Variants in GTF3A observed in about 807,000 individuals in gnomAD.
The protein encoded by GTF3A is general transcription factor IIIA.
GTF3A carries 40 observed loss-of-function variants against 37.6 expected under a neutral mutation model. The ratio of observed to expected loss-of-function variants is 1.06; its 90% CI spans 0.83 to 1.38. The LOEUF is 1.38. Among genes scored for constraint, GTF3A ranks in the 40% most tolerant of loss-of-function variants. GTF3A has a pLI of 0.00. For synonymous variants in GTF3A, 191 were observed against 166.7 expected, an observed-to-expected ratio of 1.15 and a Z score of -1.12; for missense variants, 500 against 462.6, an observed-to-expected ratio of 1.08 and a Z score of -0.74.
rs1953642736 is a variant in GTF3A, at chr13:27,429,948, T to C, written c.381T>C (p.Asn127=). The change falls in exon 3 of 9, where the codon AAT becomes AAC. Residue 127 remains asparagine (N), a synonymous_variant. Transcript: ENST00000381140. ...AACATTTTGAACGCAAACATGAAAA[T>C]CAACAAAAACAATATATAGTAAGTA... 1 of 1,521,402 alleles carries C rather than the reference T, an allele frequency of 6.6e-7. No homozygotes were observed. 94.2% of individuals were successfully genotyped at this position (1,521,402 alleles called of 1,614,324 possible). A position where few individuals can be genotyped will look rare whatever the true frequency, so the allele number is the denominator to read the frequency against.
At position 27,434,122 on chromosome 13, in the gene GTF3A, A is replaced by T; in HGVS notation, c.563-17A>T. 1.0e-6 allele frequency: 1 copy of T among 975,752 alleles called. No individual in the cohort carries two copies. The highest frequency in any genetic ancestry group is 1.3e-5 in the South Asian group (1 of 78,414). 60.4% of individuals were successfully genotyped at this position (975,752 alleles called of 1,614,324 possible). A position where few individuals can be genotyped will look rare whatever the true frequency, so the allele number is the denominator to read the frequency against. On this transcript the variant is annotated splice_polypyrimidine_tract_variant and intron_variant, in intron 5 of 8. Coordinates refer to ENST00000381140, the MANE Select transcript of GTF3A (RefSeq NM_002097.3). ...ACTGAGTATTCATGACAGACAATGCACCAATTTTTTTAATAGGCTATGTAT... is the reference window on the plus strand; with the variant it reads ...ACTGAGTATTCATGACAGACAATGCTCCAATTTTTTTAATAGGCTATGTAT...
intron 1 of GTF3A, chr13:27,425,574 G>C (rs4771120): frequency 0.32 from 48,484 of 152,372 alleles, 7,833 homozygotes; most frequent in African/African-American, 0.34. Flanking sequence ...GCAGGTGGGT[G>C]TGTTTGGGTG....
intron 2 of GTF3A, among the ~76,000 whole-genome samples, 198 bp downstream of exon 2, chr13:27,427,390 C>T (rs189286308): frequency 6.6e-6 from 1 of 152,114 alleles, no homozygotes; most frequent in Admixed American, 6.5e-5. Context: ...CAAACCTGGG[C>T]AACATGGTGA....
chr13:27,429,915 C>A lies in GTF3A; in HGVS notation c.348C>A (p.Asn116Lys). The change falls in exon 3 of 9, where the codon AAC becomes AAA. Residue 116 changes from asparagine (N) to lysine (K), a missense_variant. Asn to Lys is a moderately conservative substitution (Grantham distance 94). Transcript: ENST00000381140. ...ATCAAAAATTCAACACAAAATCAAA[C>A]TTGAAGAAACATTTTGAACGCAAAC... 1 of 1,538,184 alleles carries A rather than the reference C, an allele frequency of 6.5e-7. No individual in the cohort carries two copies. The highest frequency in any genetic ancestry group is 1.2e-5 in the South Asian group (1 of 80,928).
In GTF3A at chr13:27,435,043, T is replaced by C. The variant is rs746995196; in HGVS notation, c.873+9T>C. The C allele has an allele frequency of 6.4e-7, 1 of 1,552,758 alleles. No homozygotes were observed. Among genetic ancestry groups the C allele is most frequent in the Non-Finnish European group, 8.9e-7 (1 of 1,124,070 alleles). Reference sequence around the variant, plus strand: ...AAACATTTGCAATGAAAGTAAGCACTCACCCTCATACTCATGGTCCTATAG... The same window carrying C: ...AAACATTTGCAATGAAAGTAAGCACCCACCCTCATACTCATGGTCCTATAG... On this transcript the variant is annotated intron_variant, in intron 7 of 8. Transcript: ENST00000381140.
At chr13:27,432,891 T>G in intron 5 of GTF3A, 87 bp downstream of exon 5, 1 of 1,114,954 alleles carries the variant, frequency 9.0e-7, no homozygotes, top group Non-Finnish European at 1.3e-6. Context: ...GCTGAAAAGA[T>G]GGGAACCCTG....
chr13:27,424,818 A>G lies in GTF3A; in HGVS notation c.81A>G (p.Ser27=), dbSNP rs1283423121. 2.7e-5 allele frequency: 42 copies of G among 1,549,740 alleles called. No homozygotes were observed. The highest frequency in any genetic ancestry group is 3.6e-5 in the Non-Finnish European group (41 of 1,146,514). ...CGTTCATTGCAGCCGGCGAGAGCTC[A>G]GCTCCGACCCCGCCGCGCCCCGCGC... The change falls in exon 1 of 9, where the codon TCA becomes TCG. Residue 27 remains serine, a synonymous_variant. Coordinates refer to ENST00000381140, the MANE Select transcript of GTF3A (RefSeq NM_002097.3).
chr13:27,424,652 G>C lies in GTF3A; in HGVS notation c.-86G>C, dbSNP rs1343708816. On this transcript the variant is annotated 5_prime_UTR_variant, in exon 1 of 9. Coordinates refer to ENST00000381140, the MANE Select transcript of GTF3A (RefSeq NM_002097.3). ...CGGCGTCGCGCGAAGGTTCAGCAGG[G>C]AGCCGTGGGCCGGGCGCGCCGGTTC... 4.0e-6 allele frequency: 4 copies of C among 1,004,458 alleles called. No homozygotes were observed. The highest frequency in any genetic ancestry group is 8.5e-5 in the Admixed American group (2 of 23,460). 62.2% of individuals were successfully genotyped at this position (1,004,458 alleles called of 1,614,324 possible). A position where few individuals can be genotyped will look rare whatever the true frequency, so the allele number is the denominator to read the frequency against.
chr13:27,424,838 C>G lies in GTF3A; in HGVS notation c.101C>G (p.Pro34Arg). 1 of 1,550,968 alleles carries G rather than the reference C, an allele frequency of 6.4e-7. No homozygotes were observed. The highest frequency in any genetic ancestry group is 8.7e-7 in the Non-Finnish European group (1 of 1,146,842). ...AGCTCAGCTCCGACCCCGCCGCGCC[C>G]CGCGCTTCCCAGGAGGTTCATCTGC... The change falls in exon 1 of 9, where the codon CCC becomes CGC. Residue 34 changes from proline (P) to arginine (R), a missense_variant. Transcript: ENST00000381140.
Position 27,424,806 on chromosome 13 carries a change from C to G in GTF3A, c.69C>G (p.Ala23=), listed in dbSNP as rs776335689. The G allele has an allele frequency of 2.6e-5, 40 of 1,545,652 alleles. No homozygotes were observed. The South Asian group carries it at 3.5e-4, about 13-fold the overall frequency. ...CCATCGCCGACGCGTTCATTGCAGC[C>G]GGCGAGAGCTCAGCTCCGACCCCGC... The change falls in exon 1 of 9, where the codon GCC becomes GCG. Residue 23 remains alanine, a synonymous_variant. Transcript: ENST00000381140.
chr13:27,424,726 G>A lies in GTF3A; in HGVS notation c.-12G>A. ...CAGCGCGCCTGGCCCTGGGCTTGGA[G>A]GCGCCGGCGCCCTGGATCCGCCGGC... On this transcript the variant is annotated 5_prime_UTR_variant, in exon 1 of 9. Coordinates refer to ENST00000381140, the MANE Select transcript of GTF3A (RefSeq NM_002097.3). 1 of 1,435,316 alleles carries A rather than the reference G, an allele frequency of 7.0e-7. No homozygotes were observed. Among genetic ancestry groups the A allele is most frequent in the Non-Finnish European group, 9.1e-7 (1 of 1,098,712 alleles). 88.9% of individuals were successfully genotyped at this position (1,435,316 alleles called of 1,614,324 possible). A position where few individuals can be genotyped will look rare whatever the true frequency, so the allele number is the denominator to read the frequency against.
intron 6 of GTF3A, 150 bp from the exon 7 acceptor site, chr13:27,434,655 T>C (rs1235591588): frequency 1.7e-6 from 1 of 592,008 alleles, no homozygotes; most frequent in African/African-American, 1.9e-5. Context: ...TCCTAGGTGA[T>C]AAAAACTGGG....
Position 27,434,189 on chromosome 13 carries a change from C to T in GTF3A, c.613C>T (p.Leu205Phe). The T allele has an allele frequency of 7.2e-7, 1 of 1,395,234 alleles. No individual in the cohort carries two copies. The highest frequency in any genetic ancestry group is 1.0e-6 in the Non-Finnish European group (1 of 980,246). 86.4% of individuals were successfully genotyped at this position (1,395,234 alleles called of 1,614,324 possible). The change falls in exon 6 of 9, where the codon CTT becomes TTT. Residue 205 changes from leucine to phenylalanine, a missense_variant. Leu to Phe is a conservative substitution (Grantham distance 22). Transcript: ENST00000381140. ...CTTTGTGGCAAAAACATGGACGGAA[C>T]TTCTGAAACATGTGAGAGAAACCCA...
chr13:27,424,920 G>C lies in GTF3A; in HGVS notation c.183G>C (p.Leu61=). ...AAGCCTGGAAGCTTGACGCGCACCTGTGCAAGCACACGGGGGAGGTGAGGG... is the reference window on the plus strand; with the variant it reads ...AAGCCTGGAAGCTTGACGCGCACCTCTGCAAGCACACGGGGGAGGTGAGGG... The change falls in exon 1 of 9, where the codon CTG becomes CTC. Residue 61 remains leucine (L), a synonymous_variant. Transcript: ENST00000381140. 1.3e-6 allele frequency: 2 copies of C among 1,547,982 alleles called. No homozygotes were observed. The highest frequency in any genetic ancestry group is 4.9e-5 in the East Asian group (2 of 40,570).
At position 27,429,965 on chromosome 13, in the gene GTF3A, T is replaced by C; in HGVS notation, c.398T>C (p.Ile133Thr). 1 of 1,446,536 alleles carries C rather than the reference T, an allele frequency of 6.9e-7. No homozygotes were observed. Among genetic ancestry groups the C allele is most frequent in the Middle Eastern group, 1.8e-4 (1 of 5,594 alleles). 89.6% of individuals were successfully genotyped at this position (1,446,536 alleles called of 1,614,324 possible). A position where few individuals can be genotyped will look rare whatever the true frequency, so the allele number is the denominator to read the frequency against. The change falls in exon 3 of 9, where the codon ATA becomes ACA. Residue 133 changes from isoleucine to threonine, a missense_variant and splice_region_variant. By Grantham distance (89) the Ile-to-Thr change is moderately conservative. Coordinates refer to ENST00000381140, the MANE Select transcript of GTF3A (RefSeq NM_002097.3). ...CATGAAAATCAACAAAAACAATATATAGTAAGTATGATTTTATATGCTTAA... is the reference window on the plus strand; with the variant it reads ...CATGAAAATCAACAAAAACAATATACAGTAAGTATGATTTTATATGCTTAA...
intron 1 of GTF3A, among the ~76,000 whole-genome samples, chr13:27,426,789 A>AG (rs1953608331): frequency 6.6e-6 from 1 of 152,184 alleles, no homozygotes; most frequent in Non-Finnish European, 1.5e-5. Context: ...GGCGTCTTTA[A>AG]GAGGGGGTTG....
intron 1 of GTF3A, among the ~76,000 whole-genome samples, chr13:27,426,837 A>T (rs796161007): frequency 9.2e-5 from 14 of 152,318 alleles, no homozygotes; most frequent in African/African-American, 3.4e-4. Flanking sequence ...GCAGGTTAAA[A>T]ATGCTATGCC....
intron 6 of GTF3A, among the ~76,000 whole-genome samples, chr13:27,434,487 CCTGGGAAACAGTACCCTGCATA>C (rs1953690207): frequency 2.0e-5 from 3 of 152,100 alleles, no homozygotes; most frequent in Admixed American, 2.0e-4. Flanking sequence ...TGTGGGACCG[CCTGGGAAACAGTACCCTGCATA>C]CTGGGGGACA....
rs1213471713 is a variant in GTF3A at position 27,424,752 on chromosome 13, C to T, written c.15C>T (p.Ala5=). The change falls in exon 1 of 9, where the codon GCC becomes GCT. Residue 5 remains alanine (A), a synonymous_variant. Coordinates refer to ENST00000381140, the MANE Select transcript of GTF3A (RefSeq NM_002097.3). ...GCGCCGGCGCCCTGGATCCGCCGGC[C>T]GTGGTCGCCGAGTCGGTGTCGTCCT... 1 of 1,478,160 alleles carries T rather than the reference C, an allele frequency of 6.8e-7. No individual in the cohort carries two copies. Among genetic ancestry groups the T allele is most frequent in the Non-Finnish European group, 9.0e-7 (1 of 1,114,200 alleles). The allele number at this position is 1,478,160 out of a possible 1,614,324, so 91.6% of individuals were successfully genotyped here. A position where few individuals can be genotyped will look rare whatever the true frequency, so the allele number is the denominator to read the frequency against.
Sources: allele counts gnomAD v4.1 joint callset (sites outside exome capture counted in the v4.1 genomes callset), GRCh38; gene constraint gnomAD v4.1.1; transcripts MANE v1.5; gene names NCBI Gene and HGNC (gene_info 2026-07-23, HGNC 2026-07-21).